Variants in GIPC1 observed in about 807,000 individuals in gnomAD.
GIPC1 encodes the protein GIPC PDZ domain containing family member 1.
Under a neutral mutation model 28.5 loss-of-function variants are expected in GIPC1, and 15 were observed. The ratio of observed to expected loss-of-function variants is 0.53; its 90% confidence interval spans 0.35 to 0.81. The LOEUF is 0.81. GIPC1 is among the 30% of genes least tolerant of loss of function. The pLI, the probability that GIPC1 is intolerant of heterozygous loss-of-function variation, is 0.01. For synonymous variants in GIPC1, 224 were observed against 206.1 expected, an observed-to-expected ratio of 1.09 and a Z score of -0.74; for missense variants, 439 against 481.9, an observed-to-expected ratio of 0.91 and a Z score of 0.83.
At chr19:14,483,748 C>CAGT (rs1336381323) in intron 3 of GIPC1, among the ~76,000 whole-genome samples, 3 of 141,546 alleles carry the variant, frequency 2.1e-5, no homozygotes, top group African/African-American at 7.9e-5. Flanking sequence ...GACTCTGTCT[C>CAGT]AATAATAATA....
intron 4 of GIPC1, among the ~76,000 whole-genome samples, chr19:14,481,350 C>G (rs531898280): frequency 6.6e-6 from 1 of 152,086 alleles, no homozygotes; most frequent in South Asian, 2.1e-4. Flanking sequence ...CTCCAGTGAT[C>G]CCCCCATCTC....
intron 4 of GIPC1, chr19:14,482,475 G>A: frequency 3.3e-6 from 2 of 603,350 alleles, no homozygotes; most frequent in Middle Eastern, 4.4e-4. Context: ...ATCCAGCCCT[G>A]GCCTCCAGTT....
At position 14,496,041 on chromosome 19, in the gene GIPC1, T is replaced by TCCGCCGCCGCCGCCG. The variant is rs71166735; in HGVS notation, c.-194_-180dup. 803 of 226,388 alleles carry TCCGCCGCCGCCGCCG rather than the reference T, an allele frequency of 3.5e-3. 8 individuals are homozygous for TCCGCCGCCGCCGCCG. The highest frequency in any genetic ancestry group is 0.015 in the African/African-American group (616 of 40,252). 14.0% of individuals were successfully genotyped at this position (226,388 alleles called of 1,614,324 possible). ...CTTCTCGCAGAGGCCACTCACCTGC[T>TCCGCCGCCGCCGCCG]CCGCCGCCGCCGCCGCCGCCGCCGC... On this transcript the variant is annotated 5_prime_UTR_variant, in exon 1 of 9. Coordinates refer to ENST00000393033, the MANE Select transcript of GIPC1 (RefSeq NM_005716.4).
intron 6 of GIPC1, chr19:14,479,922 CCCCACCCCCACCTCAGGGGCCTGGGG>C (rs1174816997): frequency 2.4e-6 from 1 of 422,454 alleles, no homozygotes; most frequent in Non-Finnish European, 4.3e-6. Context: ...TGATTTAGTC[CCCCACCCCCACCTCAGGGGCCTGGGG>C]CCCATTCCTG....
At position 14,493,523 on chromosome 19, in the gene GIPC1, T is replaced by C. The variant is rs111996852; in HGVS notation, c.-174-611A>G. Among the ~76,000 whole-genome samples, 1,097 of 152,058 alleles carry C rather than the reference T, an allele frequency of 7.2e-3. 14 individuals are homozygous for C. The highest frequency in any genetic ancestry group is 0.025 in the African/African-American group (1,032 of 41,502). On this transcript the variant is annotated intron_variant, in intron 1 of 8. Transcript: ENST00000393033. ...CCCAGGTTGGAGTGCAGTGGCGCCA[T>C]CTCAGCTCACTGCAACCTCCACCTC...
chr19:14,480,648 T>TC lies in GIPC1; in HGVS notation c.418dup (p.Glu140GlyfsTer43). 1 of 1,614,208 alleles carries TC rather than the reference T, an allele frequency of 6.2e-7. No homozygotes were observed. The highest frequency in any genetic ancestry group is 2.2e-5 in the East Asian group (1 of 44,882). ...CGTGATGGTGAGCCCGAGTGCATCC[T>TC]CCGACTTGAACACCTCCACCTCCTT... On this transcript the variant is annotated frameshift_variant, in exon 5 of 9. Transcript: ENST00000393033. LOFTEE classifies it high-confidence loss of function.
chr19:14,478,644 C>T lies in GIPC1; in HGVS notation c.850+40G>A. ...GGCTCAGGGTGGATTCGGCCCCCAG[C>T]AGACCTAGATGCCCCCTCCCCCAGG... On this transcript the variant is annotated intron_variant, in intron 8 of 8. Transcript: ENST00000393033. The surrounding 1 kb of genome is among the most constrained non-coding windows in gnomAD (Gnocchi z 5.2). The T allele has an allele frequency of 6.2e-7, 1 of 1,611,164 alleles. No homozygotes were observed. The highest frequency in any genetic ancestry group is 8.5e-7 in the Non-Finnish European group (1 of 1,177,494).
At chr19:14,494,639 GCTCA>G (rs1297075256) in intron 1 of GIPC1, among the ~76,000 whole-genome samples, 1 of 152,122 alleles carries the variant, frequency 6.6e-6, no homozygotes, top group African/African-American at 2.4e-5. Flanking sequence ...CGTAGCAGGT[GCTCA>G]CTAAATATTT....
At chr19:14,485,738 G>GAGAGAGAC (rs1555721833) in intron 3 of GIPC1, among the ~76,000 whole-genome samples, 23 of 141,666 alleles carry the variant, frequency 1.6e-4, no homozygotes, top group South Asian at 9.1e-4. Flanking sequence ...GAGAGAGAGA[G>GAGAGAGAC]AGACAGAGAG....
At chr19:14,484,847 T>C (rs2071802213) in intron 3 of GIPC1, among the ~76,000 whole-genome samples, 2 of 151,756 alleles carry the variant, frequency 1.3e-5, no homozygotes, top group African/African-American at 2.4e-5. Context: ...GCAATCCTCC[T>C]GCCTCGGCCT....
At chr19:14,485,476 C>T (rs2071814154) in intron 3 of GIPC1, among the ~76,000 whole-genome samples, 1 of 151,436 alleles carries the variant, frequency 6.6e-6, no homozygotes, top group Admixed American at 6.6e-5. Context: ...CATGGTGAAA[C>T]CACATCTCTA....
rs536977325 is a variant in GIPC1, at chr19:14,491,898, C to T, written c.-118-155G>A. 1.5e-4 allele frequency among the ~76,000 whole-genome samples: 23 copies of T among 152,190 alleles called. No homozygotes were observed. In the Middle Eastern group the frequency reaches 0.01, roughly 68 times the overall value. On this transcript the variant is annotated intron_variant, in intron 2 of 8. Transcript: ENST00000393033. ...GCCGAGGTGGGCATGAGCCACCACGCCCAGCCATATATTTTCAAAATTAGC... is the reference window on the plus strand; with the variant it reads ...GCCGAGGTGGGCATGAGCCACCACGTCCAGCCATATATTTTCAAAATTAGC...
Position 14,485,684 on chromosome 19 carries a change from A to AATATATATATATATAT in GIPC1, c.-30-2694_-30-2679dup, listed in dbSNP as rs141749727. ...AAATAAATAAATAAATAAATAAACA[A>AATATATATATATATAT]ATATATATATATATATATAGAGAGA... is the stretch of plus-strand genomic sequence containing the variant. On this transcript the variant is annotated intron_variant, in intron 3 of 8. Coordinates refer to ENST00000393033, the MANE Select transcript of GIPC1 (RefSeq NM_005716.4). Among the ~76,000 whole-genome samples, 393 of 72,128 alleles carry AATATATATATATATAT rather than the reference A, an allele frequency of 5.4e-3. 7 individuals carry two copies. The highest frequency in any genetic ancestry group is 8.6e-3 in the Admixed American group (55 of 6,388). The allele number at this position is 72,128 out of a possible 152,430, so 47.3% of individuals were successfully genotyped here.
intron 3 of GIPC1, chr19:14,483,288 T>A (rs2071771770): frequency 3.2e-6 from 1 of 309,462 alleles, no homozygotes; most frequent in African/African-American, 2.2e-5. Flanking sequence ...AAACCCCACC[T>A]CTACTAAAAA....
intron 4 of GIPC1, 40 bp downstream of exon 4, chr19:14,482,649 C>T: frequency 6.3e-7 from 1 of 1,595,246 alleles, no homozygotes; most frequent in Non-Finnish European, 8.6e-7. Context: ...ACCTCTGGTC[C>T]ACCATCAGGG....
chr19:14,482,542 G>T, intron 4 of GIPC1, 147 bp downstream of exon 4: 1 of 778,576 alleles, frequency 1.3e-6, no homozygotes, highest in South Asian at 1.7e-5. Context: ...TCAGCATCCA[G>T]CCCAGGCCAT....
Position 14,480,585 on chromosome 19 carries a change from C to A in GIPC1, c.474+8G>T, listed in dbSNP as rs750248133. 8 of 1,613,180 alleles carry A rather than the reference C, an allele frequency of 5.0e-6. No individual in the cohort carries two copies. The highest frequency in any genetic ancestry group is 6.8e-6 in the Non-Finnish European group (8 of 1,179,532). On this transcript the variant is annotated splice_region_variant and intron_variant, in intron 5 of 8. Coordinates refer to ENST00000393033, the MANE Select transcript of GIPC1 (RefSeq NM_005716.4). ...CAGGCCTCCGGGGTGCCCCGTCTCC[C>A]CAGGCACCTTGATGAAGGCGTAGCC...
intron 3 of GIPC1, among the ~76,000 whole-genome samples, chr19:14,484,378 C>T (rs925730083): frequency 3.3e-5 from 5 of 151,122 alleles, no homozygotes; most frequent in Admixed American, 6.6e-5. Flanking sequence ...TCAAGTGATC[C>T]GCCCACCTCA....
At chr19:14,485,600 A>C (rs2071815766) in intron 3 of GIPC1, among the ~76,000 whole-genome samples, 1 of 150,858 alleles carries the variant, frequency 6.6e-6, no homozygotes. Flanking sequence ...GGCAGTGAGC[A>C]GAGATCGTGC....
Sources: allele counts gnomAD v4.1 joint callset (sites outside exome capture counted in the v4.1 genomes callset), GRCh38; gene constraint gnomAD v4.1.1; non-coding constraint Gnocchi (gnomAD v3.1); transcripts MANE v1.5; gene names NCBI Gene and HGNC (gene_info 2026-07-23, HGNC 2026-07-21).